The following MGAT4C variants were observed in gnomAD, a reference collection of about 807,000 sequenced individuals.
MGAT4C encodes alpha-1,3-mannosyl-glycoprotein 4-beta-N-acetylglucosaminyltransferase C.
Under a neutral mutation model 40.1 loss-of-function variants are expected in MGAT4C, and 19 were observed. The ratio of observed to expected loss-of-function variants is 0.47; its 90% CI spans 0.33 to 0.70. The LOEUF (loss-of-function observed/expected upper bound fraction) is 0.70, where lower values mean the gene tolerates loss of function less well. MGAT4C is among the 30% of genes least tolerant of loss of function. The pLI is 0.02. For missense variants in MGAT4C, 491 were observed against 563.2 expected, an observed-to-expected ratio of 0.87 and a Z score of 1.30; for synonymous variants, 181 against 187.1, an observed-to-expected ratio of 0.97 and a Z score of 0.27.
chr12:86,046,608 G>A (rs1011067408), intron 2 of MGAT4C, among the ~76,000 whole-genome samples: 6 of 152,126 alleles, frequency 3.9e-5, no homozygotes, highest in Non-Finnish European at 7.4e-5. Context: ...ATAGACTCAT[G>A]GGGCAAACTG....
At chr12:86,116,176 T>C (rs868082967) in intron 1 of MGAT4C, among the ~76,000 whole-genome samples, 19 of 151,822 alleles carry the variant, frequency 1.3e-4, no homozygotes, top group East Asian at 7.8e-4. Context: ...CCAGATCACA[T>C]TGGGCCTTAG....
intron 1 of MGAT4C, among the ~76,000 whole-genome samples, chr12:86,831,495 C>T (rs529566856): frequency 3.4e-4 from 51 of 151,764 alleles, no homozygotes; most frequent in Non-Finnish European, 6.6e-4. Flanking sequence ...ACACATGACA[C>T]CAATGTGTAT....
chr12:86,443,786 G>T (rs984796293), intron 2 of MGAT4C, among the ~76,000 whole-genome samples: 3 of 152,036 alleles, frequency 2.0e-5, no homozygotes, highest in African/African-American at 7.2e-5. Context: ...AGTAGAGACA[G>T]GGTTTCGCCT....
intron 1 of MGAT4C, among the ~76,000 whole-genome samples, chr12:86,192,249 A>G (rs1394056099): frequency 2.0e-5 from 3 of 152,052 alleles, no homozygotes; most frequent in African/African-American, 7.2e-5. Context: ...TAATAGAAAA[A>G]AGTATATAAT....
chr12:86,407,461 G>T (rs540785855), intron 3 of MGAT4C, among the ~76,000 whole-genome samples: 1 of 152,124 alleles, frequency 6.6e-6, no homozygotes, highest in Non-Finnish European at 1.5e-5. Flanking sequence ...TAAAAACAAT[G>T]TTATGAGAAT....
At chr12:86,524,685 C>T (rs765637575) in intron 2 of MGAT4C, among the ~76,000 whole-genome samples, 1 of 152,098 alleles carries the variant, frequency 6.6e-6, no homozygotes, top group Non-Finnish European at 1.5e-5. Flanking sequence ...ATACTCTCCC[C>T]TTCTTTTTCA....
At chr12:86,513,119 C>T (rs1025458661) in intron 2 of MGAT4C, among the ~76,000 whole-genome samples, 1 of 152,024 alleles carries the variant, frequency 6.6e-6, no homozygotes, top group African/African-American at 2.4e-5. Context: ...CCCCACAATT[C>T]TTATAATACT....
At chr12:86,277,195 T>G (rs1408824084) in intron 4 of MGAT4C, among the ~76,000 whole-genome samples, 2 of 152,234 alleles carry the variant, frequency 1.3e-5, no homozygotes, top group African/African-American at 4.8e-5. Context: ...CATTTTTATA[T>G]ACCTGTTTGC....
intron 1 of MGAT4C, among the ~76,000 whole-genome samples, chr12:86,101,280 G>C (rs1340064912): frequency 6.6e-6 from 1 of 151,708 alleles, no homozygotes; most frequent in East Asian, 1.9e-4. Flanking sequence ...ATCAATGAAA[G>C]AACTCATGTG....
intron 2 of MGAT4C, among the ~76,000 whole-genome samples, chr12:86,471,566 G>A (rs1957758475): frequency 1.3e-5 from 2 of 151,998 alleles, no homozygotes; most frequent in Non-Finnish European, 2.9e-5. Context: ...GAGGCACAAA[G>A]TAAGAATATG....
At chr12:86,405,596 T>C (rs1254639839) in intron 3 of MGAT4C, among the ~76,000 whole-genome samples, 2 of 151,950 alleles carry the variant, frequency 1.3e-5, no homozygotes, top group Admixed American at 6.6e-5. Context: ...TATCACAATT[T>C]CTGAATTGTT....
chr12:86,388,661 CTT>C (rs1232944399), intron 3 of MGAT4C, among the ~76,000 whole-genome samples: 3 of 149,360 alleles, frequency 2.0e-5, no homozygotes, highest in African/African-American at 7.4e-5. Context: ...TCAATAAACA[CTT>C]CAGCGTTTTT....
At chr12:86,256,791 A>G (rs2471569), upstream of MGAT4C, among the ~76,000 whole-genome samples, 101,329 of 152,058 alleles carry the variant, frequency 0.67, 34,204 homozygotes, top group South Asian at 0.77. Flanking sequence ...ATTACTTTGC[A>G]TTGATTTTAC....
At chr12:86,518,331 C>T (rs368340605) in intron 2 of MGAT4C, among the ~76,000 whole-genome samples, 1 of 152,082 alleles carries the variant, frequency 6.6e-6, no homozygotes, top group East Asian at 1.9e-4. Flanking sequence ...ACAAAATATA[C>T]ATATATAACT....
intron 1 of MGAT4C, among the ~76,000 whole-genome samples, chr12:86,071,127 T>G (rs1868376967): frequency 6.6e-6 from 1 of 152,046 alleles, no homozygotes; most frequent in African/African-American, 2.4e-5. Flanking sequence ...GACACTGCAC[T>G]CAATCTTATT....
intron 3 of MGAT4C, among the ~76,000 whole-genome samples, chr12:86,433,292 A>G (rs1957075610): frequency 6.6e-6 from 1 of 151,412 alleles, no homozygotes; most frequent in African/African-American, 2.4e-5. Context: ...AAAATGATAT[A>G]CATATATATG....
intron 2 of MGAT4C, among the ~76,000 whole-genome samples, chr12:86,551,182 C>T (rs972828643): frequency 9.2e-5 from 14 of 152,222 alleles, no homozygotes; most frequent in Non-Finnish European, 1.6e-4. Context: ...TAGCTATATG[C>T]CAATGTTATC....
At chr12:86,431,672 A>G (rs1403187225) in intron 3 of MGAT4C, among the ~76,000 whole-genome samples, 3 of 152,164 alleles carry the variant, frequency 2.0e-5, no homozygotes, top group African/African-American at 7.2e-5. Flanking sequence ...ATCTGGCAAC[A>G]CAGTATACTG....
intron 2 of MGAT4C, among the ~76,000 whole-genome samples, chr12:86,581,199 A>G (rs1960764693): frequency 6.6e-6 from 1 of 151,446 alleles, no homozygotes; most frequent in African/African-American, 2.4e-5. Flanking sequence ...AGACAAGTAC[A>G]GTGATGTTGA....
Sources: gnomAD v4.1 joint callset for allele counts (sites outside exome capture counted in the v4.1 genomes callset) on GRCh38, gnomAD v4.1.1 for gene constraint, MANE v1.5 for transcripts, NCBI Gene and HGNC (gene_info 2026-07-23, HGNC 2026-07-21) for gene names.